ADARB2: variants seen among roughly 807,000 people sequenced by gnomAD.
The protein encoded by ADARB2 is adenosine deaminase RNA specific B2 (inactive), also known as inactive double-stranded RNA-specific editase B2.
Under a neutral mutation model 62.2 loss-of-function variants are expected in ADARB2, and 25 were observed. That is an observed-to-expected ratio of 0.40 (90% CI 0.29 to 0.56). ADARB2 has a LOEUF of 0.56. Among genes scored for constraint, ADARB2 ranks in the 20% least tolerant of loss-of-function variants. The pLI is 0.43. For synonymous variants in ADARB2, 572 were observed against 500.8 expected, an observed-to-expected ratio of 1.14 and a Z score of -1.90; for missense variants, 1,071 against 1,077.4, an observed-to-expected ratio of 0.99 and a Z score of 0.08.
intron 2 of ADARB2, among the ~76,000 whole-genome samples, chr10:1,370,272 T>C (rs572034592): frequency 6.1e-5 from 3 of 49,258 alleles, no homozygotes; most frequent in Non-Finnish European, 2.5e-4. Flanking sequence ...ATAAAAACTG[T>C]CAACAAACTA....
At chr10:1,185,213 C>T (rs1266476139) in intron 8 of ADARB2, among the ~76,000 whole-genome samples, 174 bp from the exon 9 acceptor site, 1 of 152,256 alleles carries the variant, frequency 6.6e-6, no homozygotes, top group South Asian at 2.1e-4. Context: ...GCAAATTGGG[C>T]AGGATCGTGG....
chr10:1,725,290 C>T (rs1240967752), intron 1 of ADARB2, among the ~76,000 whole-genome samples: 1 of 152,178 alleles, frequency 6.6e-6, no homozygotes, highest in South Asian at 2.1e-4. Context: ...AGTGGTCTCG[C>T]GATGTCACAT....
chr10:1,371,990 C>A lies in ADARB2; in HGVS notation c.187+7084G>T, dbSNP rs897072427. ...TACCCAAAGGAAAAGAAAATCATTA[C>A]ATAAAAAAGACGCCTGTACGTGTAT... On this transcript the variant is annotated intron_variant, in intron 2 of 9. Coordinates refer to ENST00000381312, the MANE Select transcript of ADARB2 (RefSeq NM_018702.4). 1.1e-4 allele frequency among the ~76,000 whole-genome samples: 16 copies of A among 152,152 alleles called. 1 individual carries two copies. In the South Asian group the frequency reaches 3.3e-3, roughly 32 times the overall value.
rs114578720 is a variant in ADARB2 at position 1,477,848 on chromosome 10, G to T, written c.101-98688C>A. 2.2e-3 allele frequency among the ~76,000 whole-genome samples: 329 copies of T among 152,328 alleles called. 1 individual carries two copies. Among genetic ancestry groups the T allele is most frequent in the Middle Eastern group, 0.014 (4 of 294 alleles). On this transcript the variant is annotated intron_variant, in intron 1 of 9. Coordinates refer to ENST00000381312, the MANE Select transcript of ADARB2 (RefSeq NM_018702.4). The surrounding 1 kb of genome is among the most constrained non-coding windows in gnomAD (Gnocchi z 4.5). The stretch of plus-strand genomic sequence containing the variant: ...TCTTTAACAATCCTGTGGCGGGCAG[G>T]TGCCTCCCCAGAACGCTTCTCACAG...
chr10:1,476,293 A>C (rs1203023762), intron 1 of ADARB2, among the ~76,000 whole-genome samples: 1 of 152,074 alleles, frequency 6.6e-6, no homozygotes, highest in Admixed American at 6.5e-5. Flanking sequence ...GTCGAGGTCC[A>C]GCCCAGGGTG....
At chr10:1,225,198 G>A (rs138162742) in intron 6 of ADARB2, among the ~76,000 whole-genome samples, 562 of 152,152 alleles carry the variant, frequency 3.7e-3, no homozygotes, top group African/African-American at 0.013. Context: ...TTTGATCTTC[G>A]TTGGTTTAAA....
chr10:1,528,168 G>C (rs567873715), intron 1 of ADARB2, among the ~76,000 whole-genome samples: 1 of 152,096 alleles, frequency 6.6e-6, no homozygotes, highest in East Asian at 1.9e-4. Flanking sequence ...CTGTGTCTTC[G>C]GCCAACACAC....
At position 1,327,607 on chromosome 10, in the gene ADARB2, T is replaced by C. The variant is rs866101618; in HGVS notation, c.1077+35421A>G. The stretch of plus-strand genomic sequence containing the variant: ...CGCCTCCTCACTGCACAGCGCCTCC[T>C]CACTGCCCAGCGCCTCCCCACGGCA... On this transcript the variant is annotated intron_variant, in intron 3 of 9. Coordinates refer to ENST00000381312, the MANE Select transcript of ADARB2 (RefSeq NM_018702.4). Among the ~76,000 whole-genome samples the C allele has an allele frequency of 7.7e-3, 559 of 72,542 alleles. 108 individuals are homozygous for C. Among genetic ancestry groups the C allele is most frequent in the South Asian group, 0.011 (23 of 2,182 alleles). The allele number at this position is 72,542 out of a possible 152,430, so 47.6% of individuals were successfully genotyped here. A position where few individuals can be genotyped will look rare whatever the true frequency, so the allele number is the denominator to read the frequency against.
intron 6 of ADARB2, among the ~76,000 whole-genome samples, chr10:1,228,726 C>T (rs887859499): frequency 2.6e-5 from 4 of 152,188 alleles, no homozygotes; most frequent in South Asian, 2.1e-4. Flanking sequence ...GCTTTCCCCT[C>T]GGTCGCATGC....
At position 1,225,728 on chromosome 10, in the gene ADARB2, G is replaced by A. The variant is rs182451754; in HGVS notation, c.1513+7966C>T. ...TAAAATTCTTTTCTTTAAGAATGTC[G>A]AATGTTGGTCCCCACTCTCTTCTGG... is the stretch of plus-strand genomic sequence containing the variant. On this transcript the variant is annotated intron_variant, in intron 6 of 9. Coordinates refer to ENST00000381312, the MANE Select transcript of ADARB2 (RefSeq NM_018702.4). Among the ~76,000 whole-genome samples the A allele has an allele frequency of 2.7e-3, 397 of 144,646 alleles. 4 individuals are homozygous for A. The highest frequency in any genetic ancestry group is 9.3e-3 in the African/African-American group (385 of 41,196). 94.9% of individuals were successfully genotyped at this position (144,646 alleles called of 152,430 possible). A position where few individuals can be genotyped will look rare whatever the true frequency, so the allele number is the denominator to read the frequency against.
At chr10:1,420,611 G>GAAAA (rs755860726) in intron 1 of ADARB2, among the ~76,000 whole-genome samples, 2 of 121,130 alleles carry the variant, frequency 1.7e-5, no homozygotes, top group Admixed American at 8.4e-5. Context: ...CCAGAAAGAG[G>GAAAA]GAAAAAAAAA....
intron 1 of ADARB2, among the ~76,000 whole-genome samples, chr10:1,492,734 T>G (rs1459347485): frequency 6.6e-6 from 1 of 151,896 alleles, no homozygotes; most frequent in Non-Finnish European, 1.5e-5. Context: ...GACCCCGGCC[T>G]TCTGAGTCTC....
rs766263863 is a variant in ADARB2 at position 1,242,288 on chromosome 10, G to A, written c.1204C>T (p.Arg402Trp). Reference sequence around the variant, plus strand: ...GACAGGGCCACGACCTGCGCCTGCCGAGCATCCAGGCCTGGGGACACAGAT... The same window carrying A: ...GACAGGGCCACGACCTGCGCCTGCCAAGCATCCAGGCCTGGGGACACAGAT... ...GIVMTKGLDA[R>W]QAQVVALSSG... The change falls in exon 5 of 10, where the codon CGG becomes TGG. Residue 402 changes from arginine (R) to tryptophan (W), a missense_variant. Coordinates refer to ENST00000381312, the MANE Select transcript of ADARB2 (RefSeq NM_018702.4). The A allele has an allele frequency of 9.6e-6, 15 of 1,560,350 alleles. No individual in the cohort carries two copies. The highest frequency in any genetic ancestry group is 5.9e-5 in the South Asian group (5 of 85,224).
intron 1 of ADARB2, among the ~76,000 whole-genome samples, chr10:1,555,185 A>G (rs1005468324): frequency 6.6e-6 from 1 of 152,198 alleles, no homozygotes; most frequent in Non-Finnish European, 1.5e-5. Context: ...ACGGGACTGC[A>G]TGTTGCCTTT....
intron 1 of ADARB2, among the ~76,000 whole-genome samples, chr10:1,652,166 T>C (rs923109095): frequency 2.0e-5 from 3 of 152,198 alleles, no homozygotes; most frequent in Admixed American, 1.3e-4. Flanking sequence ...GTCTGTCCCC[T>C]GCTTGCTTCT....
chr10:1,518,418 C>T (rs569027640), intron 1 of ADARB2, among the ~76,000 whole-genome samples: 8 of 152,320 alleles, frequency 5.3e-5, no homozygotes, highest in South Asian at 4.1e-4. Context: ...TCTGTGGAAA[C>T]GTAGCCTGTG....
intron 1 of ADARB2, among the ~76,000 whole-genome samples, chr10:1,614,031 G>A (rs1162243931): frequency 6.6e-6 from 1 of 152,128 alleles, no homozygotes; most frequent in Non-Finnish European, 1.5e-5. Flanking sequence ...GAAATAAAAT[G>A]ACTTTTCTTT....
intron 1 of ADARB2, among the ~76,000 whole-genome samples, chr10:1,615,029 C>T (rs1455961109): frequency 2.0e-5 from 3 of 152,116 alleles, no homozygotes; most frequent in Admixed American, 6.5e-5. Context: ...GGGTACACCT[C>T]GGTCTACTGA....
chr10:1,244,156 C>CA (rs1359871136), intron 4 of ADARB2, among the ~76,000 whole-genome samples: 4 of 152,350 alleles, frequency 2.6e-5, no homozygotes, highest in African/African-American at 9.6e-5. Context: ...CTGGGGTGGG[C>CA]AGCTGCTACT....
Sources: allele counts gnomAD v4.1 joint callset (sites outside exome capture counted in the v4.1 genomes callset), GRCh38; gene constraint gnomAD v4.1.1; non-coding constraint Gnocchi (gnomAD v3.1); transcripts MANE v1.5; gene names NCBI Gene and HGNC (gene_info 2026-07-23, HGNC 2026-07-21).